CHSY1: variants seen among roughly 807,000 people sequenced by gnomAD.
CHSY1 encodes the protein N-acetylgalactosaminyl-proteoglycan 3-beta-glucuronosyltransferase 1.
A neutral mutation model predicts 59.8 loss-of-function variants in CHSY1; 13 were observed. That is an observed-to-expected ratio of 0.22 (90% CI 0.14 to 0.35). The LOEUF is 0.35. CHSY1 is among the 10% of genes least tolerant of loss of function. The pLI, the probability that CHSY1 is intolerant of heterozygous loss-of-function variation, is 1.00. For missense variants in CHSY1, 947 were observed against 1,030.6 expected, an observed-to-expected ratio of 0.92 and a Z score of 1.11; for synonymous variants, 459 against 401.2, an observed-to-expected ratio of 1.14 and a Z score of -1.72.
intron 2 of CHSY1, among the ~76,000 whole-genome samples, chr15:101,229,597 G>T (rs548350637): frequency 6.4e-4 from 98 of 152,268 alleles, no homozygotes; most frequent in Non-Finnish European, 1.1e-3. Flanking sequence ...AAGAAATAGA[G>T]AATTCAACAA....
intron 1 of CHSY1, among the ~76,000 whole-genome samples, chr15:101,238,621 G>T (rs1436586148): frequency 6.6e-6 from 1 of 152,170 alleles, no homozygotes; most frequent in Non-Finnish European, 1.5e-5. Flanking sequence ...TAATTTCTGA[G>T]ATGTCAAAAT....
At chr15:101,225,135 C>T (rs2038827765) in intron 2 of CHSY1, among the ~76,000 whole-genome samples, 1 of 152,218 alleles carries the variant, frequency 6.6e-6, no homozygotes, top group South Asian at 2.1e-4. Flanking sequence ...GTGGCACAGT[C>T]ACAGCTCCCT....
intron 2 of CHSY1, among the ~76,000 whole-genome samples, chr15:101,205,577 C>T (rs558209478): frequency 1.3e-5 from 2 of 152,280 alleles, no homozygotes; most frequent in African/African-American, 2.4e-5. Flanking sequence ...TTTCTACTAA[C>T]GACTATTAGT....
chr15:101,225,513 T>C (rs1174326867), intron 2 of CHSY1, among the ~76,000 whole-genome samples: 1 of 152,204 alleles, frequency 6.6e-6, no homozygotes, highest in Admixed American at 6.5e-5. Flanking sequence ...AACTGGATCA[T>C]GGGGGTGGAT....
At chr15:101,215,865 A>T (rs2038727297) in intron 2 of CHSY1, among the ~76,000 whole-genome samples, 1 of 152,214 alleles carries the variant, frequency 6.6e-6, no homozygotes, top group African/African-American at 2.4e-5. Flanking sequence ...TAAGTTGTTC[A>T]GACTTGTCTT....
intron 2 of CHSY1, 81 bp from the exon 3 acceptor site, chr15:101,179,061 T>C: frequency 1.4e-6 from 2 of 1,390,990 alleles, no homozygotes; most frequent in Non-Finnish European, 2.0e-6. Context: ...ATGCAAATAT[T>C]AGAAATGTTT....
At chr15:101,227,097 A>G (rs1226844132) in intron 2 of CHSY1, among the ~76,000 whole-genome samples, 1 of 152,216 alleles carries the variant, frequency 6.6e-6, no homozygotes, top group Admixed American at 6.5e-5. Context: ...TATGCAAGAA[A>G]AAGACAAAAA....
chr15:101,212,087 G>T (rs193175432), intron 2 of CHSY1, among the ~76,000 whole-genome samples: 16 of 152,216 alleles, frequency 1.1e-4, no homozygotes, highest in African/African-American at 3.6e-4. Context: ...TAGGGAAAAC[G>T]CAAACTGAAA....
At chr15:101,206,567 A>G (rs1416819568) in intron 2 of CHSY1, among the ~76,000 whole-genome samples, 1 of 152,230 alleles carries the variant, frequency 6.6e-6, no homozygotes, top group African/African-American at 2.4e-5. Context: ...CTTTATACAA[A>G]TAACACTTCA....
At chr15:101,209,403 G>C (rs977161012) in intron 2 of CHSY1, among the ~76,000 whole-genome samples, 5 of 152,186 alleles carry the variant, frequency 3.3e-5, no homozygotes, top group African/African-American at 1.2e-4. Flanking sequence ...TTCGTAAAAT[G>C]CCATCCGTTT....
At chr15:101,187,169 A>C (rs954744560) in intron 2 of CHSY1, among the ~76,000 whole-genome samples, 2 of 152,218 alleles carry the variant, frequency 1.3e-5, no homozygotes, top group Non-Finnish European at 1.5e-5. Flanking sequence ...GAATAAAGTA[A>C]TGACATTTTT....
At chr15:101,181,624 T>C (rs2038279535) in intron 2 of CHSY1, among the ~76,000 whole-genome samples, 2 of 152,280 alleles carry the variant, frequency 1.3e-5, no homozygotes, top group Non-Finnish European at 2.9e-5. Context: ...AGGTTCCCCA[T>C]GGGTCTGCTT....
rs76199596 is a variant in CHSY1, at chr15:101,180,089, T to G, written c.817-1109A>C. On this transcript the variant is annotated intron_variant, in intron 2 of 2. Coordinates refer to ENST00000254190, the MANE Select transcript of CHSY1 (RefSeq NM_014918.5). ...CACGCATTCTGGCTGACTGGTTTAT[T>G]TGCCTCTGGACAATCATATGCTGAC... is the stretch of plus-strand genomic sequence containing the variant. 6.2e-3 allele frequency among the ~76,000 whole-genome samples: 941 copies of G among 152,328 alleles called. 11 individuals carry two copies. Among genetic ancestry groups the G allele is most frequent in the African/African-American group, 0.021 (891 of 41,574 alleles).
chr15:101,248,953 ATTTTTTT>A (rs565187410), intron 1 of CHSY1, among the ~76,000 whole-genome samples: 22 of 111,448 alleles, frequency 2.0e-4, no homozygotes, highest in South Asian at 5.9e-4. Flanking sequence ...AGCCTGGCTA[ATTTTTTT>A]TTTTTTTTTT....
intron 2 of CHSY1, among the ~76,000 whole-genome samples, chr15:101,179,398 A>G (rs2038244258): frequency 6.6e-6 from 1 of 152,186 alleles, no homozygotes; most frequent in Admixed American, 6.5e-5. Flanking sequence ...TATCTGTGGG[A>G]ATAAACTTCC....
At chr15:101,221,691 C>T (rs917325628) in intron 2 of CHSY1, among the ~76,000 whole-genome samples, 3 of 151,954 alleles carry the variant, frequency 2.0e-5, no homozygotes, top group Non-Finnish European at 4.4e-5. Context: ...TTAAATAAAC[C>T]ACATCATTTT....
At chr15:101,207,844 T>A (rs1054243921) in intron 2 of CHSY1, among the ~76,000 whole-genome samples, 2 of 152,206 alleles carry the variant, frequency 1.3e-5, no homozygotes, top group African/African-American at 2.4e-5. Flanking sequence ...CCACCCGTTG[T>A]CCTGAAGTAA....
At chr15:101,244,500 T>TA (rs1415521683) in intron 1 of CHSY1, among the ~76,000 whole-genome samples, 2 of 152,372 alleles carry the variant, frequency 1.3e-5, no homozygotes, top group Admixed American at 6.5e-5. Flanking sequence ...CAGTTTCTCT[T>TA]AGAGCTGACA....
At chr15:101,193,124 A>T (rs2038466092) in intron 2 of CHSY1, among the ~76,000 whole-genome samples, 1 of 152,214 alleles carries the variant, frequency 6.6e-6, no homozygotes, top group Admixed American at 6.5e-5. Context: ...CACACCCCGC[A>T]GCCACTGCAC....
Sources: gnomAD v4.1 joint callset for allele counts (sites outside exome capture counted in the v4.1 genomes callset) on GRCh38, gnomAD v4.1.1 for gene constraint, MANE v1.5 for transcripts, NCBI Gene and HGNC (gene_info 2026-07-23, HGNC 2026-07-21) for gene names.